Variants in EML6 observed in about 807,000 individuals in gnomAD.
EML6 encodes the protein echinoderm microtubule-associated protein-like 6.
EML6 carries 154 observed loss-of-function variants against 240.1 expected under a neutral mutation model. That is an observed-to-expected ratio of 0.64 (90% confidence interval 0.56 to 0.73). The LOEUF is 0.73. EML6 is among the 30% of genes least tolerant of loss of function. EML6 has a pLI of 0.00. For missense variants in EML6, 2,964 were observed against 2,474.6 expected (o/e 1.20, Z -4.20); for synonymous variants, 1,148 against 899.0 (o/e 1.28, Z -4.95).
intron 18 of EML6, 87 bp downstream of exon 18, chr2:54,891,241 C>G (rs908391507): frequency 1.5e-5 from 9 of 618,664 alleles, no homozygotes; most frequent in Middle Eastern, 2.6e-4. Flanking sequence ...GCTACTACCT[C>G]GCTTGTCTCT....
chr2:54,895,531 A>G, intron 21 of EML6, 131 bp downstream of exon 21: 2 of 806,408 alleles, frequency 2.5e-6, no homozygotes, highest in Non-Finnish European at 2.0e-6. Flanking sequence ...TGAACTAGTT[A>G]CCTATTGCTG....
intron 17 of EML6, chr2:54,882,101 C>G (rs1671845735): frequency 6.6e-6 from 1 of 152,252 alleles, no homozygotes; most frequent in African/African-American, 2.4e-5. Flanking sequence ...CTCACAGAAA[C>G]TAGAGAAATT....
At chr2:54,921,647 G>A (rs1326839600) in intron 26 of EML6, among the ~76,000 whole-genome samples, 2 of 151,890 alleles carry the variant, frequency 1.3e-5, no homozygotes, top group African/African-American at 4.8e-5. Context: ...GAATAAAGCT[G>A]GAAGTGTCAC....
intron 38 of EML6, 68 bp from the exon 39 acceptor site, chr2:54,966,932 T>C: frequency 9.9e-7 from 1 of 1,008,358 alleles, no homozygotes; most frequent in South Asian, 1.4e-5. Flanking sequence ...TCTGGGAAAC[T>C]GTGCCCAAAG....
chr2:54,964,827 C>A (rs1676678491), intron 38 of EML6, 94 bp downstream of exon 38: 1 of 1,197,086 alleles, frequency 8.4e-7, no homozygotes, highest in Non-Finnish European at 1.2e-6. Context: ...GTGTACCAGG[C>A]AATGTGCTAA....
At chr2:54,825,022 T>A (rs923544769) in intron 5 of EML6, among the ~76,000 whole-genome samples, 1 of 152,222 alleles carries the variant, frequency 6.6e-6, no homozygotes, top group Non-Finnish European at 1.5e-5. Flanking sequence ...CTCTTTGGAA[T>A]GTTTTCATGT....
chr2:54,969,340 C>G (rs1389476948), intron 41 of EML6, among the ~76,000 whole-genome samples: 1 of 152,114 alleles, frequency 6.6e-6, no homozygotes, highest in African/African-American at 2.4e-5. Flanking sequence ...GAAATACAGG[C>G]CTTCTGATAC....
chr2:54,963,564 C>T (rs1676620243), intron 36 of EML6, among the ~76,000 whole-genome samples: 3 of 152,352 alleles, frequency 2.0e-5, no homozygotes, highest in African/African-American at 7.2e-5. Flanking sequence ...AGCTCACACT[C>T]TTTCCCCTAA....
chr2:54,735,596 A>G (rs528952922), intron 2 of EML6, among the ~76,000 whole-genome samples: 1 of 152,362 alleles, frequency 6.6e-6, no homozygotes, highest in South Asian at 2.1e-4. Context: ...CTACTGGCCT[A>G]GATGGAAAAT....
intron 2 of EML6, among the ~76,000 whole-genome samples, chr2:54,798,749 T>G (rs1669954094): frequency 6.6e-6 from 1 of 152,230 alleles, no homozygotes; most frequent in African/African-American, 2.4e-5. Flanking sequence ...ACAGTTTTAC[T>G]ACTTATTTTC....
chr2:54,812,300 C>G (rs938039602), intron 2 of EML6, among the ~76,000 whole-genome samples: 6 of 146,806 alleles, frequency 4.1e-5, no homozygotes, highest in Non-Finnish European at 4.5e-5. Context: ...CATATACTCT[C>G]ATTAACACCA....
rs1055866095 is a variant in EML6 at position 54,885,621 on chromosome 2, T to C, written c.2439-5433T>C. 3.3e-5 allele frequency among the ~76,000 whole-genome samples: 5 copies of C among 152,138 alleles called. No individual in the cohort carries two copies. The East Asian group carries it at 7.7e-4, about 23-fold the overall frequency. On this transcript the variant is annotated intron_variant, in intron 17 of 41. Coordinates refer to ENST00000356458, the MANE Select transcript of EML6 (RefSeq NM_001039753.4). ...CCATATTCACTTTTTGATTTTCTTT[T>C]TTTCTTTTTTGATGGAGTCTTGCTC... is the stretch of plus-strand genomic sequence containing the variant.
intron 25 of EML6, among the ~76,000 whole-genome samples, chr2:54,913,913 G>A (rs1673771146): frequency 6.6e-6 from 1 of 152,140 alleles, no homozygotes; most frequent in Non-Finnish European, 1.5e-5. Context: ...ATTTAACAGA[G>A]AGTCCTTTCC....
chr2:54,832,624 C>T (rs550067322), intron 7 of EML6, among the ~76,000 whole-genome samples: 14 of 152,272 alleles, frequency 9.2e-5, no homozygotes, highest in African/African-American at 3.4e-4. Context: ...CAATACCATA[C>T]CCTTGGTTGT....
At chr2:54,875,737 A>G (rs544346521) in intron 16 of EML6, among the ~76,000 whole-genome samples, 1 of 152,360 alleles carries the variant, frequency 6.6e-6, no homozygotes, top group East Asian at 1.9e-4. Flanking sequence ...CTTTTAACTC[A>G]GTATTTATTA....
intron 17 of EML6, among the ~76,000 whole-genome samples, chr2:54,888,788 G>A (rs994264094): frequency 4.6e-5 from 7 of 152,152 alleles, no homozygotes; most frequent in Admixed American, 2.0e-4. Context: ...CTATGTTGCT[G>A]CCACATTTTG....
intron 26 of EML6, among the ~76,000 whole-genome samples, chr2:54,923,502 A>G (rs549433707): frequency 3.3e-5 from 5 of 152,284 alleles, no homozygotes; most frequent in Admixed American, 1.3e-4. Context: ...CACCTTGAAT[A>G]TATAAAATTT....
intron 2 of EML6, among the ~76,000 whole-genome samples, chr2:54,802,482 C>G (rs1054878395): frequency 7.2e-5 from 11 of 151,868 alleles, no homozygotes; most frequent in Admixed American, 2.6e-4. Context: ...AAAAAATTAG[C>G]CAGACATAGT....
intron 9 of EML6, among the ~76,000 whole-genome samples, chr2:54,848,923 T>C (rs2103731763): frequency 6.6e-6 from 1 of 152,320 alleles, no homozygotes; most frequent in Middle Eastern, 3.4e-3. Flanking sequence ...TTTTTTGACT[T>C]GCTCTTTTTG....
Sources: gnomAD v4.1 joint callset for allele counts (sites outside exome capture counted in the v4.1 genomes callset) on GRCh38, gnomAD v4.1.1 for gene constraint, MANE v1.5 for transcripts, NCBI Gene and HGNC (gene_info 2026-07-23, HGNC 2026-07-21) for gene names.